The following ZNF385D variants were observed in gnomAD, a reference collection of about 807,000 sequenced individuals.
The protein encoded by ZNF385D is zinc finger protein 385D.
In ZNF385D, 15 loss-of-function variants were observed where a neutral mutation model predicts 35.8. That is an observed-to-expected ratio of 0.42 (90% confidence interval 0.28 to 0.64). The LOEUF (loss-of-function observed/expected upper bound fraction) is 0.64. ZNF385D is among the 30% of genes least tolerant of loss of function. The probability of loss-of-function intolerance (pLI) is 0.23; values close to 1 mark genes in which losing one functional copy is unlikely to be tolerated. For missense variants in ZNF385D, 474 were observed against 494.6 expected (o/e 0.96, Z 0.39); for synonymous variants, 212 against 186.8 (o/e 1.13, Z -1.10).
intron 3 of ZNF385D, among the ~76,000 whole-genome samples, chr3:22,035,113 T>C (rs1698236776): frequency 6.6e-6 from 1 of 152,176 alleles, no homozygotes; most frequent in African/African-American, 2.4e-5. Context: ...TACATTTGGG[T>C]ATCAATGAAC....
intron 2 of ZNF385D, among the ~76,000 whole-genome samples, chr3:21,602,066 C>CTGAAGG (rs2064309327): frequency 6.6e-6 from 1 of 152,134 alleles, no homozygotes; most frequent in East Asian, 1.9e-4. Context: ...ACAATCATGG[C>CTGAAGG]TGAAGGTGAA....
chr3:21,491,567 C>T (rs1180661154), intron 4 of ZNF385D, among the ~76,000 whole-genome samples: 1 of 152,132 alleles, frequency 6.6e-6, no homozygotes, highest in Non-Finnish European at 1.5e-5. Context: ...ATAACTGGAA[C>T]AATCATAAAT....
chr3:22,026,698 G>A (rs537159636), intron 3 of ZNF385D, among the ~76,000 whole-genome samples: 3 of 152,258 alleles, frequency 2.0e-5, no homozygotes, highest in South Asian at 4.2e-4. Context: ...GGGTTATTAT[G>A]GTGGGAAAGG....
chr3:22,033,266 G>A (rs1439941424), intron 3 of ZNF385D, among the ~76,000 whole-genome samples: 1 of 151,892 alleles, frequency 6.6e-6, no homozygotes, highest in East Asian at 1.9e-4. Flanking sequence ...GCCTGGCATG[G>A]TGGCGCGTGC....
intron 2 of ZNF385D, among the ~76,000 whole-genome samples, chr3:21,570,981 T>G (rs2063318657): frequency 6.6e-6 from 1 of 152,036 alleles, no homozygotes; most frequent in African/African-American, 2.4e-5. Flanking sequence ...AATTTTTCCA[T>G]TTGAGAAATT....
intron 1 of ZNF385D, among the ~76,000 whole-genome samples, chr3:21,734,458 C>T (rs148784327): frequency 6.6e-6 from 1 of 151,346 alleles, no homozygotes. Context: ...GATTTATATG[C>T]TCTTATATAA....
chr3:22,326,490 T>C (rs1013589772), intron 2 of ZNF385D, among the ~76,000 whole-genome samples: 1 of 152,142 alleles, frequency 6.6e-6, no homozygotes, highest in African/African-American at 2.4e-5. Flanking sequence ...GAAAGTGTTA[T>C]CACTTTCAGG....
intron 3 of ZNF385D, among the ~76,000 whole-genome samples, chr3:21,952,872 T>C (rs1233446088): frequency 6.6e-6 from 1 of 151,988 alleles, no homozygotes; most frequent in African/African-American, 2.4e-5. Context: ...AAATTTCTGA[T>C]GCCAAAGGTA....
chr3:21,503,649 AAT>A (rs1706550954), intron 4 of ZNF385D, among the ~76,000 whole-genome samples: 1 of 152,184 alleles, frequency 6.6e-6, no homozygotes, highest in Non-Finnish European at 1.5e-5. Flanking sequence ...ATGTGCAGGA[AAT>A]AAAAGAATCC....
At chr3:21,887,505 G>A (rs1173563685) in intron 3 of ZNF385D, among the ~76,000 whole-genome samples, 1 of 152,106 alleles carries the variant, frequency 6.6e-6, no homozygotes, top group African/African-American at 2.4e-5. Context: ...CTTTGTTTTA[G>A]TTTTTAAACA....
chr3:21,570,262 C>T (rs911979678), intron 2 of ZNF385D, among the ~76,000 whole-genome samples: 1 of 152,068 alleles, frequency 6.6e-6, no homozygotes, highest in Admixed American at 6.6e-5. Flanking sequence ...ACTGAAGAAC[C>T]TTTGCATTTC....
intron 2 of ZNF385D, among the ~76,000 whole-genome samples, chr3:21,622,809 A>T (rs1022533634): frequency 6.6e-6 from 1 of 152,106 alleles, no homozygotes; most frequent in African/African-American, 2.4e-5. Flanking sequence ...GCTTATTTTA[A>T]CCAAAATTCA....
intron 3 of ZNF385D, among the ~76,000 whole-genome samples, chr3:21,850,352 C>T (rs973408160): frequency 2.0e-5 from 3 of 152,012 alleles, no homozygotes; most frequent in Non-Finnish European, 2.9e-5. Context: ...CCTACAATCA[C>T]GACAGCTTTG....
rs148483974 is a variant in ZNF385D at position 21,445,306 on chromosome 3, C to T, written c.440-8103G>A. ...TGACTGACAATAACAGTATTAGGGA[C>T]ATGACTAAACACTGCTCATCTCTCC... is the stretch of plus-strand genomic sequence containing the variant. On this transcript the variant is annotated intron_variant, in intron 4 of 7. Transcript: ENST00000281523. Among the ~76,000 whole-genome samples, 117 of 152,286 alleles carry T rather than the reference C, an allele frequency of 7.7e-4. 2 individuals carry two copies. Among genetic ancestry groups the T allele is most frequent in the African/African-American group, 2.5e-3 (102 of 41,564 alleles).
chr3:21,913,087 G>T (rs905334867), intron 3 of ZNF385D, among the ~76,000 whole-genome samples: 1 of 152,080 alleles, frequency 6.6e-6, no homozygotes, highest in Non-Finnish European at 1.5e-5. Context: ...ATTCTGAAGA[G>T]TGATTTACCA....
chr3:21,884,053 A>G (rs1011115179), intron 3 of ZNF385D, among the ~76,000 whole-genome samples: 5 of 152,048 alleles, frequency 3.3e-5, no homozygotes, highest in Admixed American at 2.6e-4. Context: ...AACACACACA[A>G]TATAAATGCG....
At chr3:22,142,034 G>A (rs183576816) in intron 3 of ZNF385D, among the ~76,000 whole-genome samples, 1 of 152,184 alleles carries the variant, frequency 6.6e-6, no homozygotes, top group Non-Finnish European at 1.5e-5. Context: ...GCATCATCAG[G>A]TTGACAGTTT....
chr3:21,859,484 A>G (rs1025116262), intron 3 of ZNF385D, among the ~76,000 whole-genome samples: 5 of 151,952 alleles, frequency 3.3e-5, no homozygotes, highest in African/African-American at 1.2e-4. Context: ...TGAAAACAAC[A>G]TTCTGCCTCC....
In ZNF385D at chr3:21,414,332, C is replaced by A. The variant is rs1295786895; in HGVS notation, c.*6882G>T. ...TTCCCCGAAGAAACAATGTTCTTTG[C>A]ATATAGCTCCATGTGCAGATTAAAA... On this transcript the variant is annotated 3_prime_UTR_variant, in exon 8 of 8. Transcript: ENST00000281523. The A allele has an allele frequency of 1.3e-5, 2 of 152,016 alleles. No individual in the cohort carries two copies. The highest frequency in any genetic ancestry group is 2.9e-5 in the Non-Finnish European group (2 of 67,986). The allele number at this position is 152,016 out of a possible 1,614,324, so 9.4% of individuals were successfully genotyped here. A position where few individuals can be genotyped will look rare whatever the true frequency, so the allele number is the denominator to read the frequency against.
Sources: gnomAD v4.1 joint callset for allele counts (sites outside exome capture counted in the v4.1 genomes callset) on GRCh38, gnomAD v4.1.1 for gene constraint, MANE v1.5 for transcripts, NCBI Gene and HGNC (gene_info 2026-07-23, HGNC 2026-07-21) for gene names.